Variants in SETD5 observed in about 807,000 individuals in gnomAD.
The protein encoded by SETD5 is histone-lysine N-methyltransferase SETD5.
Under a neutral mutation model 153.3 loss-of-function variants are expected in SETD5, and 44 were observed. That is an observed-to-expected ratio of 0.29 (90% confidence interval 0.23 to 0.37). The LOEUF is 0.37. Ranked by LOEUF, SETD5 falls within the 10% of genes least tolerant of loss-of-function variation. The pLI is 1.00. For missense variants in SETD5, 1,544 were observed against 1,768.0 expected, an observed-to-expected ratio of 0.87 and a Z score of 2.27; for synonymous variants, 716 against 645.2, an observed-to-expected ratio of 1.11 and a Z score of -1.66.
At position 9,453,798 on chromosome 3, in the gene SETD5, G is replaced by A; in HGVS notation, c.2406G>A (p.Glu802=). Residue 802 remains glutamate (E), a synonymous_variant, in exon 17 of 23, where the codon GAG becomes GAA. Coordinates refer to ENST00000402198, the MANE Select transcript of SETD5 (RefSeq NM_001080517.3). ...CTCAAACATCATCTGTACCCCAAGA[G>A]ACTAGAACTCAGCACCTATACCAAA... ...GMTQTSSVPQ[E]TRTQHLYQSN... 1 of 1,610,190 alleles carries A rather than the reference G, an allele frequency of 6.2e-7. No individual in the cohort carries two copies. Among genetic ancestry groups the A allele is most frequent in the Non-Finnish European group, 8.5e-7 (1 of 1,178,892 alleles).
At chr3:9,468,131 G>A (rs1316936266) in intron 18 of SETD5, among the ~76,000 whole-genome samples, 1 of 151,486 alleles carries the variant, frequency 6.6e-6, no homozygotes, top group Non-Finnish European at 1.5e-5. Flanking sequence ...CAAGGTCCAT[G>A]TAAGGAGGAA....
rs2040330703 is a variant in SETD5 at position 9,434,443 on chromosome 3, G to T, written c.287G>T (p.Gly96Val). 6.2e-7 allele frequency: 1 copy of T among 1,613,956 alleles called. No homozygotes were observed. Among genetic ancestry groups the T allele is most frequent in the Non-Finnish European group, 8.5e-7 (1 of 1,179,878 alleles). Residue 96 changes from glycine to valine, a missense_variant, in exon 5 of 23, where the codon GGT becomes GTT. Physicochemically the swap from Gly to Val is moderately radical, Grantham distance 109. This residue lies in a region of SETD5 where 251 missense variants were observed against 326.9 expected (regional missense o/e 0.77). Transcript: ENST00000402198. The surrounding 1 kb of genome is among the most constrained non-coding windows in gnomAD (Gnocchi z 5.6). ...GETVPTWCPC[G>V]LSQDGFLLNC... ...ACTGTACCTACCTGGTGTCCTTGTGGTCTTTCTCAGGATGGCTTCCTTCTC... is the reference window on the plus strand; with the variant it reads ...ACTGTACCTACCTGGTGTCCTTGTGTTCTTTCTCAGGATGGCTTCCTTCTC...
At chr3:9,400,921 T>C (rs978175388) in intron 1 of SETD5, among the ~76,000 whole-genome samples, 1 of 152,228 alleles carries the variant, frequency 6.6e-6, no homozygotes, top group African/African-American at 2.4e-5. Flanking sequence ...CACCACCAAT[T>C]ATATGCAATA....
At chr3:9,417,804 A>G (rs532087305) in intron 1 of SETD5, among the ~76,000 whole-genome samples, 4 of 149,670 alleles carry the variant, frequency 2.7e-5, no homozygotes, top group Non-Finnish European at 4.5e-5. Flanking sequence ...TTTTTTTTTA[A>G]TTATTTTATT....
chr3:9,420,525 A>G (rs1483057739), intron 1 of SETD5, among the ~76,000 whole-genome samples: 3 of 152,194 alleles, frequency 2.0e-5, no homozygotes, highest in Non-Finnish European at 4.4e-5. Context: ...GAATCAAGGA[A>G]TAAACTGGTA....
At chr3:9,445,615 C>G in intron 12 of SETD5, 42 bp from the exon 13 acceptor site, 1 of 1,541,586 alleles carries the variant, frequency 6.5e-7, no homozygotes, top group Non-Finnish European at 8.9e-7. Context: ...TTGATTTTTT[C>G]TCAGAGCTTG....
chr3:9,425,029 G>C (rs1374274460), intron 2 of SETD5, among the ~76,000 whole-genome samples: 1 of 139,866 alleles, frequency 7.1e-6, no homozygotes, highest in Non-Finnish European at 1.5e-5. Context: ...TTATGAAATA[G>C]AAATTTATAG....
intron 1 of SETD5, among the ~76,000 whole-genome samples, chr3:9,403,235 G>T (rs1226345541): frequency 6.6e-6 from 1 of 152,026 alleles, no homozygotes; most frequent in African/African-American, 2.4e-5. Flanking sequence ...ATCTTGTAGG[G>T]ATCCATTCTC....
intron 17 of SETD5, among the ~76,000 whole-genome samples, chr3:9,459,132 G>A (rs763759129): frequency 9.9e-5 from 15 of 152,144 alleles, no homozygotes; most frequent in Non-Finnish European, 1.9e-4. Context: ...TACCTGGTTG[G>A]CGAGAGGTCA....
chr3:9,406,728 T>G (rs2035765427), intron 1 of SETD5, among the ~76,000 whole-genome samples: 1 of 152,202 alleles, frequency 6.6e-6, no homozygotes, highest in South Asian at 2.1e-4. Flanking sequence ...AAATAGAACT[T>G]TAATGTCGTA....
intron 22 of SETD5, 158 bp downstream of exon 22, chr3:9,475,314 C>A: frequency 8.7e-7 from 1 of 1,154,992 alleles, no homozygotes; most frequent in Non-Finnish European, 1.2e-6. Context: ...TAAATTATGC[C>A]AGAAGATGAA....
chr3:9,464,703 G>C lies in SETD5; in HGVS notation c.2724+31G>C, dbSNP rs755720703. 1.9e-6 allele frequency: 3 copies of C among 1,613,826 alleles called. No individual in the cohort carries two copies. The Admixed American group carries it at 5.0e-5, about 27-fold the overall frequency. ...TTGGGTTTGGTTGCTGGGAGTGCTG[G>C]ATATGAAAATCATCATTTGTACCTT... On this transcript the variant is annotated intron_variant, in intron 18 of 22. Transcript: ENST00000402198.
At chr3:9,444,976 G>A (rs1178873937) in intron 11 of SETD5, 72 bp from the exon 12 acceptor site, 3 of 1,544,256 alleles carry the variant, frequency 1.9e-6, no homozygotes, top group Non-Finnish European at 2.6e-6. Flanking sequence ...GATATTTTAA[G>A]AGGGTGAATG....
chr3:9,431,259 C>A (rs2039928075), intron 3 of SETD5: 1 of 985,226 alleles, frequency 1.0e-6, no homozygotes, highest in African/African-American at 1.7e-5. Flanking sequence ...CAGGCATTTT[C>A]CAAGAAATGG....
In SETD5 at chr3:9,475,448, C is replaced by T. The variant is rs370670573; in HGVS notation, c.3721-35C>T. On this transcript the variant is annotated intron_variant, in intron 22 of 22. Transcript: ENST00000402198. Reference sequence around the variant, plus strand: ...TCACCAGCCATTTAAGGGACTTGTTCGCGTCCTTATTCGTTTCCTCCCAAC... The same window carrying T: ...TCACCAGCCATTTAAGGGACTTGTTTGCGTCCTTATTCGTTTCCTCCCAAC... The T allele has an allele frequency of 8.1e-5, 129 of 1,582,880 alleles. No individual in the cohort carries two copies. The African/African-American group carries it at 9.1e-4, about 11-fold the overall frequency.
Position 9,470,728 on chromosome 3 carries a change from A to G in SETD5, c.2994A>G (p.Gly998=), listed in dbSNP as rs879214331. The G allele has an allele frequency of 6.2e-7, 1 of 1,613,980 alleles. No homozygotes were observed. The highest frequency in any genetic ancestry group is 1.1e-5 in the South Asian group (1 of 91,082). The change falls in exon 19 of 23, where the codon GGA becomes GGG. Residue 998 remains glycine (G), a synonymous_variant. Transcript: ENST00000402198. The part of the protein sequence containing the change: ...SPLNAMPRAD[G]LYRGSPLVGD... ...TGAATGCTATGCCTCGAGCAGATGG[A>G]CTGTATCGAGGATCTCCTCTAGTGG...
intron 20 of SETD5, among the ~76,000 whole-genome samples, chr3:9,473,958 T>C (rs781682568): frequency 6.6e-6 from 1 of 152,180 alleles, no homozygotes; most frequent in Non-Finnish European, 1.5e-5. Flanking sequence ...ATTTGTCTGG[T>C]TTAGGGGAGA....
chr3:9,402,207 G>T (rs905294450), intron 1 of SETD5, among the ~76,000 whole-genome samples: 4 of 152,204 alleles, frequency 2.6e-5, no homozygotes, highest in South Asian at 2.1e-4. Flanking sequence ...AGTAACTTTG[G>T]GGGGAGGTGC....
Position 9,473,293 on chromosome 3 carries a change from G to T in SETD5, c.3253G>T (p.Gly1085Trp), listed in dbSNP as rs767095342. Residue 1085 changes from glycine (G) to tryptophan (W), a missense_variant, in exon 20 of 23, where the codon GGG becomes TGG. By Grantham distance (184) the Gly-to-Trp change is radical. This residue lies in a region of SETD5 where 93 missense variants were observed against 93.4 expected (regional missense o/e 1.00). Coordinates refer to ENST00000402198, the MANE Select transcript of SETD5 (RefSeq NM_001080517.3). The stretch of plus-strand genomic sequence containing the variant: ...AGAAGCTAAGGAAAATTCTGCTGGT[G>T]GGGGAGGTGACTCTGCACAGAGCAA... ...KQEAKENSAG[G>W]GGDSAQSKSK... is the part of the protein sequence containing the mutation. 1.3e-5 allele frequency: 21 copies of T among 1,613,876 alleles called. No individual in the cohort carries two copies. The highest frequency in any genetic ancestry group is 4.5e-5 in the East Asian group (2 of 44,890).
Sources: gnomAD v4.1 joint callset for allele counts (sites outside exome capture counted in the v4.1 genomes callset) on GRCh38, gnomAD v4.1.1 for gene constraint, gnomAD v4.1.1 regional missense constraint, Gnocchi (gnomAD v3.1) non-coding constraint, MANE v1.5 for transcripts, NCBI Gene and HGNC (gene_info 2026-07-23, HGNC 2026-07-21) for gene names.